The following MACROD2 variants were observed in gnomAD, a reference collection of about 807,000 sequenced individuals.
MACROD2 encodes ADP-ribose glycohydrolase MACROD2.
MACROD2 carries 36 observed loss-of-function variants against 70.4 expected under a neutral mutation model. The ratio of observed to expected loss-of-function variants is 0.51; its 90% CI spans 0.39 to 0.68. MACROD2 has a LOEUF of 0.68. Ranked by LOEUF, MACROD2 falls within the 30% of genes least tolerant of loss-of-function variation. MACROD2 has a pLI of 0.00. For synonymous variants in MACROD2, 172 were observed against 178.8 expected (o/e 0.96, Z 0.30); for missense variants, 496 against 538.4 (o/e 0.92, Z 0.78).
intron 8 of MACROD2, among the ~76,000 whole-genome samples, chr20:15,737,825 G>C (rs77029986): frequency 1.3e-5 from 2 of 152,072 alleles, no homozygotes; most frequent in South Asian, 4.2e-4. Flanking sequence ...ATAGACATAT[G>C]TAATGGACTG....
chr20:14,644,404 C>T (rs1985263463), intron 4 of MACROD2, among the ~76,000 whole-genome samples: 1 of 152,162 alleles, frequency 6.6e-6, no homozygotes, highest in Non-Finnish European at 1.5e-5. Context: ...TTCTTTGTAA[C>T]TCATTAAATT....
intron 8 of MACROD2, among the ~76,000 whole-genome samples, chr20:15,668,646 G>A (rs956535138): frequency 6.6e-6 from 1 of 152,310 alleles, no homozygotes; most frequent in South Asian, 2.1e-4. Context: ...TGTTATTTGT[G>A]GTGCCATGTT....
chr20:15,675,657 A>C (rs1401463236), intron 8 of MACROD2, among the ~76,000 whole-genome samples: 1 of 152,178 alleles, frequency 6.6e-6, no homozygotes, highest in Admixed American at 6.5e-5. Context: ...TTTGAGTCTA[A>C]ATGCAGTATA....
intron 5 of MACROD2, among the ~76,000 whole-genome samples, chr20:15,197,495 T>C (rs2076616139): frequency 6.6e-6 from 1 of 152,204 alleles, no homozygotes; most frequent in African/African-American, 2.4e-5. Flanking sequence ...CATATAAGCC[T>C]TTCTTAATTT....
chr20:15,095,064 CTTTTTTTTTTTTTT>C lies in MACROD2; in HGVS notation c.419-134858_419-134845del, dbSNP rs373794823. Among the ~76,000 whole-genome samples the C allele has an allele frequency of 1.5e-4, 13 of 89,294 alleles. No individual in the cohort carries two copies. The East Asian group carries it at 2.0e-3, about 14-fold the overall frequency. 58.6% of individuals were successfully genotyped at this position (89,294 alleles called of 152,430 possible). A position where few individuals can be genotyped will look rare whatever the true frequency, so the allele number is the denominator to read the frequency against. Reference sequence around the variant, plus strand: ...TATCTTTTCACTGTGGTCTCCTCTTCTTTTTTTTTTTTTTTTTTTTTTTTTTTTTTTAGACAGAG... The same window carrying C: ...TATCTTTTCACTGTGGTCTCCTCTTCTTTTTTTTTTTTTTTTTAGACAGAG... On this transcript the variant is annotated intron_variant, in intron 5 of 17. Transcript: ENST00000684519.
chr20:15,672,284 C>T (rs1600738314), intron 8 of MACROD2, among the ~76,000 whole-genome samples: 1 of 151,574 alleles, frequency 6.6e-6, no homozygotes, highest in East Asian at 1.9e-4. Context: ...ACTTGCATAA[C>T]CCTGAATGGT....
intron 3 of MACROD2, among the ~76,000 whole-genome samples, chr20:14,389,228 C>T (rs943719624): frequency 6.6e-6 from 1 of 151,316 alleles, no homozygotes; most frequent in Admixed American, 6.6e-5. Flanking sequence ...TAGAGACCAG[C>T]GTAGCCAACA....
At chr20:15,633,258 A>C (rs78306091) in intron 8 of MACROD2, among the ~76,000 whole-genome samples, 3,858 of 152,310 alleles carry the variant, frequency 0.025, 156 homozygotes, top group African/African-American at 0.088. Context: ...AAAGGAAAAA[A>C]TAATGAGACA....
At position 14,515,469 on chromosome 20, in the gene MACROD2, A is replaced by ACACGCGCGCGCGCG. The variant is rs759399680; in HGVS notation, c.301+21964_301+21965insGCGCGCGCGCGCAC. On this transcript the variant is annotated intron_variant, in intron 4 of 17. Transcript: ENST00000684519. Reference sequence around the variant, plus strand: ...ATATGTGAGATACACACACACGCACACACACACACACACACACACACACAC... The same window carrying ACACGCGCGCGCGCG: ...ATATGTGAGATACACACACACGCACACACGCGCGCGCGCGCACACACACACACACACACACACAC... 2.6e-3 allele frequency among the ~76,000 whole-genome samples: 378 copies of ACACGCGCGCGCGCG among 143,724 alleles called. 2 individuals carry two copies. The highest frequency in any genetic ancestry group is 1.0e-2 in the South Asian group (45 of 4,522). 94.3% of individuals were successfully genotyped at this position (143,724 alleles called of 152,430 possible).
intron 3 of MACROD2, among the ~76,000 whole-genome samples, chr20:14,374,907 C>T (rs1157567238): frequency 6.6e-6 from 1 of 152,016 alleles, no homozygotes; most frequent in Non-Finnish European, 1.5e-5. Flanking sequence ...GGGTAGTATG[C>T]GCTTTAAACA....
At chr20:15,912,970 A>G (rs1183323216) in intron 10 of MACROD2, among the ~76,000 whole-genome samples, 2 of 152,198 alleles carry the variant, frequency 1.3e-5, no homozygotes, top group Non-Finnish European at 2.9e-5. Context: ...GGCCAGCCAG[A>G]TCTGGGTTTG....
At chr20:16,019,013 T>C (rs1184332772) in intron 15 of MACROD2, among the ~76,000 whole-genome samples, 1 of 152,168 alleles carries the variant, frequency 6.6e-6, no homozygotes, top group East Asian at 1.9e-4. Context: ...GTTTTTCTAC[T>C]CTCCCCAATA....
intron 6 of MACROD2, among the ~76,000 whole-genome samples, chr20:15,429,954 A>G (rs2046344094): frequency 6.6e-6 from 1 of 151,942 alleles, no homozygotes; most frequent in Non-Finnish European, 1.5e-5. Context: ...GTCTTCAATG[A>G]ATTATTCTAC....
intron 12 of MACROD2, among the ~76,000 whole-genome samples, chr20:15,938,336 C>T (rs749818769): frequency 6.6e-5 from 10 of 152,144 alleles, no homozygotes; most frequent in Non-Finnish European, 5.9e-5. Flanking sequence ...GGGAACCCTG[C>T]ATCAAGCAAG....
chr20:15,987,223 CA>C, intron 15 of MACROD2, 65 bp downstream of exon 15: 1 of 1,310,710 alleles, frequency 7.6e-7, no homozygotes, highest in Non-Finnish European at 1.1e-6. Flanking sequence ...GCCTAGAATT[CA>C]ACCATCAAAG....
At chr20:14,083,123 A>T (rs1369484331) in intron 2 of MACROD2, among the ~76,000 whole-genome samples, 7 of 1,420 alleles carry the variant, frequency 4.9e-3, no homozygotes, top group African/African-American at 8.8e-3. Flanking sequence ...CACCTTTGTA[A>T]AAAAAAAAAA....
intron 2 of MACROD2, among the ~76,000 whole-genome samples, chr20:14,065,983 A>G (rs139652080): frequency 2.4e-4 from 37 of 152,324 alleles, no homozygotes; most frequent in African/African-American, 8.9e-4. Flanking sequence ...ATAACCTCTC[A>G]GTACTTTAGT....
chr20:15,202,923 G>A (rs1212517276), intron 5 of MACROD2, among the ~76,000 whole-genome samples: 1 of 152,028 alleles, frequency 6.6e-6, no homozygotes, highest in Non-Finnish European at 1.5e-5. Context: ...CACATCTACT[G>A]GCATGGACTA....
chr20:14,980,406 A>G (rs1002851037), intron 5 of MACROD2, among the ~76,000 whole-genome samples: 1 of 152,136 alleles, frequency 6.6e-6, no homozygotes, highest in Admixed American at 6.5e-5. Flanking sequence ...GACGGCCCTC[A>G]CCAGATGCAA....
Sources: allele counts gnomAD v4.1 joint callset (sites outside exome capture counted in the v4.1 genomes callset), GRCh38; gene constraint gnomAD v4.1.1; transcripts MANE v1.5; gene names NCBI Gene and HGNC (gene_info 2026-07-23, HGNC 2026-07-21).